Variants in UBE2K observed in about 807,000 individuals in gnomAD.
The protein encoded by UBE2K is ubiquitin-conjugating enzyme E2 K.
A neutral mutation model predicts 30.0 loss-of-function variants in UBE2K; 6 were observed. That is an observed-to-expected ratio of 0.20 (90% confidence interval 0.11 to 0.39). The LOEUF is 0.39. UBE2K is among the 10% of genes least tolerant of loss of function. The pLI, the probability that UBE2K is intolerant of heterozygous loss-of-function variation, is 1.00. For missense variants in UBE2K, 61 were observed against 241.6 expected (o/e 0.25, Z 4.96); for synonymous variants, 86 against 83.7 (o/e 1.03, Z -0.15).
intron 1 of UBE2K, among the ~76,000 whole-genome samples, chr4:39,727,453 C>T (rs559843255): frequency 6.6e-6 from 1 of 152,252 alleles, no homozygotes; most frequent in East Asian, 1.9e-4. Context: ...CCTGGGATTC[C>T]TGGGCTCAGG....
chr4:39,734,186 A>T (rs1249110977), intron 1 of UBE2K, among the ~76,000 whole-genome samples: 1 of 150,530 alleles, frequency 6.6e-6, no homozygotes, highest in Non-Finnish European at 1.5e-5. Flanking sequence ...GCTCACTCCA[A>T]CCTCCACACC....
intron 1 of UBE2K, among the ~76,000 whole-genome samples, chr4:39,723,532 C>G (rs183172345): frequency 1.0e-3 from 155 of 151,900 alleles, no homozygotes; most frequent in Middle Eastern, 3.4e-3. Flanking sequence ...CCACGCCCTG[C>G]TAATTTTTTG....
At chr4:39,739,639 G>C (rs2109352404) in intron 2 of UBE2K, among the ~76,000 whole-genome samples, 1 of 151,910 alleles carries the variant, frequency 6.6e-6, no homozygotes, top group South Asian at 2.1e-4. Flanking sequence ...TAGAGGCGGG[G>C]TTTCACCATA....
intron 1 of UBE2K, among the ~76,000 whole-genome samples, chr4:39,732,876 A>T (rs1351109462): frequency 6.6e-6 from 1 of 151,848 alleles, no homozygotes; most frequent in Admixed American, 6.6e-5. Context: ...GGGTTTTGCC[A>T]TATGGGCCAG....
At chr4:39,740,941 G>C (rs549552173) in intron 2 of UBE2K, among the ~76,000 whole-genome samples, 12 of 148,930 alleles carry the variant, frequency 8.1e-5, no homozygotes, top group Middle Eastern at 3.3e-3. Context: ...TCTTTTTCCC[G>C]ATACCGAGAA....
intron 2 of UBE2K, among the ~76,000 whole-genome samples, chr4:39,738,470 G>A (rs1442519330): frequency 2.6e-5 from 4 of 152,166 alleles, no homozygotes; most frequent in African/African-American, 9.7e-5. Context: ...AATATTGGAA[G>A]TGGTGGTGAT....
intron 3 of UBE2K, among the ~76,000 whole-genome samples, chr4:39,752,113 A>C (rs1016006094): frequency 1.3e-5 from 2 of 152,304 alleles, no homozygotes; most frequent in African/African-American, 4.8e-5. Context: ...ACTAAACCAC[A>C]TGGGGTTTTT....
At chr4:39,702,226 CTTTTCTTTTTTTT>C (rs1718058576) in intron 1 of UBE2K, among the ~76,000 whole-genome samples, 3 of 90,840 alleles carry the variant, frequency 3.3e-5, no homozygotes, top group African/African-American at 1.0e-4. Flanking sequence ...CTTTTCTTTT[CTTTTCTTTTTTTT>C]TTTTTTTTTT....
At chr4:39,740,191 T>C (rs1720616910) in intron 2 of UBE2K, among the ~76,000 whole-genome samples, 1 of 152,020 alleles carries the variant, frequency 6.6e-6, no homozygotes, top group Admixed American at 6.6e-5. Flanking sequence ...TTTTAGGTTG[T>C]TTTGAAGTAT....
chr4:39,753,923 C>A (rs1721398400), intron 3 of UBE2K, among the ~76,000 whole-genome samples: 1 of 152,106 alleles, frequency 6.6e-6, no homozygotes, highest in Non-Finnish European at 1.5e-5. Context: ...GAGTTTGAGA[C>A]CAGCCTGGCC....
At chr4:39,704,869 CTTTTTTTT>C (rs35972302) in intron 1 of UBE2K, among the ~76,000 whole-genome samples, 1 of 121,348 alleles carries the variant, frequency 8.2e-6, no homozygotes, top group East Asian at 2.3e-4. Context: ...GACTATACAC[CTTTTTTTT>C]TTTTTTTTTT....
At chr4:39,749,729 A>G (rs1721158685) in intron 3 of UBE2K, among the ~76,000 whole-genome samples, 1 of 152,038 alleles carries the variant, frequency 6.6e-6, no homozygotes, top group African/African-American at 2.4e-5. Context: ...CTTTGGTGTT[A>G]TCATCATACT....
chr4:39,728,858 G>A (rs1170945495), intron 1 of UBE2K, among the ~76,000 whole-genome samples: 2 of 147,282 alleles, frequency 1.4e-5, no homozygotes, highest in African/African-American at 2.5e-5. Flanking sequence ...TAGTAGAGAC[G>A]GGGTTTCACT....
At chr4:39,711,821 T>C (rs1350511752) in intron 1 of UBE2K, among the ~76,000 whole-genome samples, 2 of 151,708 alleles carry the variant, frequency 1.3e-5, no homozygotes, top group Admixed American at 1.3e-4. Context: ...GCGGATCACC[T>C]GAGGTCAGGA....
At chr4:39,763,983 C>A (rs180873348) in intron 4 of UBE2K, among the ~76,000 whole-genome samples, 8 of 151,998 alleles carry the variant, frequency 5.3e-5, no homozygotes, top group African/African-American at 1.7e-4. Flanking sequence ...CTACCTGCTT[C>A]AGCCTCCCAA....
chr4:39,766,476 GTTT>G (rs958448358), intron 4 of UBE2K, among the ~76,000 whole-genome samples: 5 of 143,398 alleles, frequency 3.5e-5, no homozygotes, highest in African/African-American at 1.3e-4. Context: ...TTTTAACCAG[GTTT>G]TTTTTTTTTG....
rs1039638412 is a variant in UBE2K at position 39,782,788 on chromosome 4, G to T, written c.*4354G>T. On this transcript the variant is annotated 3_prime_UTR_variant, in exon 7 of 7. Coordinates refer to ENST00000261427, the MANE Select transcript of UBE2K (RefSeq NM_005339.5). ...AATAAATGCATGCATGTTTTCCCCT[G>T]AAAATGGTTTATATCTTATTTCTGG... 2 of 152,080 alleles carry T rather than the reference G, an allele frequency of 1.3e-5. No individual in the cohort carries two copies. Among genetic ancestry groups the T allele is most frequent in the African/African-American group, 2.4e-5 (1 of 41,382 alleles). 9.4% of individuals were successfully genotyped at this position (152,080 alleles called of 1,614,324 possible). A position where few individuals can be genotyped will look rare whatever the true frequency, so the allele number is the denominator to read the frequency against.
chr4:39,750,532 GTT>G (rs1721202982), intron 3 of UBE2K, among the ~76,000 whole-genome samples: 1 of 152,042 alleles, frequency 6.6e-6, no homozygotes, highest in African/African-American at 2.4e-5. Context: ...GCTACTACTA[GTT>G]TTGTATATAA....
chr4:39,726,020 G>C lies in UBE2K; in HGVS notation c.64-11400G>C, dbSNP rs548516425. 2.0e-5 allele frequency among the ~76,000 whole-genome samples: 3 copies of C among 152,252 alleles called. No individual in the cohort carries two copies. In the South Asian group the frequency reaches 6.2e-4, roughly 32 times the overall value. On this transcript the variant is annotated intron_variant, in intron 1 of 6. Transcript: ENST00000261427. ...ATTCTCAGAGTTGTGGAGGCTAGAA[G>C]TTGGAAATCAAGGTGTCAGCAGGGT...
Sources: allele counts gnomAD v4.1 joint callset (sites outside exome capture counted in the v4.1 genomes callset), GRCh38; gene constraint gnomAD v4.1.1; transcripts MANE v1.5; gene names NCBI Gene and HGNC (gene_info 2026-07-23, HGNC 2026-07-21).